Variants in FAAH2 observed in about 807,000 individuals in gnomAD.
The protein encoded by FAAH2 is fatty-acid amide hydrolase 2.
In FAAH2, 60 loss-of-function variants were observed where a neutral mutation model predicts 36.9. That is an observed-to-expected ratio of 1.63 (90% CI 1.32 to 2.02). The LOEUF is 2.02. FAAH2 is among the 30% of genes most tolerant of loss of function. The probability of loss-of-function intolerance (pLI) is 0.00; values close to 1 mark genes in which losing one functional copy is unlikely to be tolerated. For missense variants in FAAH2, 689 were observed against 397.5 expected, an observed-to-expected ratio of 1.73 and a Z score of -6.23; for synonymous variants, 214 against 143.8, an observed-to-expected ratio of 1.49 and a Z score of -3.49.
chrX:57,324,458 C>G (rs759319320), intron 3 of FAAH2, among the ~76,000 whole-genome samples: 214 of 111,913 alleles, frequency 1.9e-3, no homozygotes, highest in Non-Finnish European at 3.2e-3. Flanking sequence ...GATATTGATT[C>G]TTCCTACCCA....
chrX:57,349,653 A>G (rs2053944915), intron 5 of FAAH2, among the ~76,000 whole-genome samples: 2 of 108,605 alleles, frequency 1.8e-5, no homozygotes, highest in South Asian at 7.7e-4. Context: ...TATACAAAAT[A>G]GAAGAAAAAC....
At chrX:57,342,121 T>A (rs938313053) in intron 5 of FAAH2, among the ~76,000 whole-genome samples, 10 of 112,007 alleles carry the variant, frequency 8.9e-5, no homozygotes. Flanking sequence ...AATCCTCATT[T>A]GATCATGGTT....
intron 7 of FAAH2, among the ~76,000 whole-genome samples, chrX:57,405,129 A>C (rs2055534670): frequency 8.9e-6 from 1 of 111,765 alleles, no homozygotes; most frequent in Non-Finnish European, 1.9e-5. Context: ...AAGGAAGGAT[A>C]GGACAGAATA....
intron 4 of FAAH2, among the ~76,000 whole-genome samples, chrX:57,332,186 G>T (rs1448931506): frequency 8.9e-6 from 1 of 112,478 alleles, no homozygotes; most frequent in Admixed American, 9.4e-5. Context: ...AAACTTGTGG[G>T]TGCTAAAGCT....
chrX:57,132,652 T>C, the FAAH2 span, among the ~76,000 whole-genome samples: 3 of 112,670 alleles, frequency 2.7e-5, no homozygotes, highest in Non-Finnish European at 5.6e-5. Context: ...CTTACATAAT[T>C]GGAATAGCCT....
chrX:57,379,264 C>A (rs763487769), intron 6 of FAAH2, among the ~76,000 whole-genome samples: 1 of 110,911 alleles, frequency 9.0e-6, no homozygotes, highest in Non-Finnish European at 1.9e-5. Flanking sequence ...TTTCCTTTAC[C>A]CTCAAGTAAA....
At chrX:57,262,487 G>T in the FAAH2 span, among the ~76,000 whole-genome samples, 1 of 111,382 alleles carries the variant, frequency 9.0e-6, no homozygotes, top group African/African-American at 3.3e-5. Flanking sequence ...ATTAAAAATT[G>T]TTCCCCAAGG....
intron 8 of FAAH2, among the ~76,000 whole-genome samples, chrX:57,441,349 A>G (rs2056550180): frequency 9.0e-6 from 1 of 111,057 alleles, no homozygotes; most frequent in Non-Finnish European, 1.9e-5. Context: ...TGTGTCCAGG[A>G]ATTTATCCGT....
chrX:57,356,750 A>T (rs1237443913), intron 5 of FAAH2, among the ~76,000 whole-genome samples: 1 of 110,093 alleles, frequency 9.1e-6, no homozygotes, highest in African/African-American at 3.3e-5. Flanking sequence ...ACTAAATTCT[A>T]TTTTATTTAT....
At chrX:57,395,376 TCTC>T in intron 7 of FAAH2, 2 of 712,267 alleles carry the variant, frequency 2.8e-6, no homozygotes, top group Non-Finnish European at 4.4e-6. Context: ...TGTGCGGAGA[TCTC>T]CTTCCTGTTC....
chrX:57,396,328 G>T (rs1323237016), intron 7 of FAAH2, among the ~76,000 whole-genome samples: 1 of 105,146 alleles, frequency 9.5e-6, no homozygotes, highest in African/African-American at 3.5e-5. Flanking sequence ...ATTTAGTGCT[G>T]CTTTGGTGTT....
chrX:57,174,646 C>G, the FAAH2 span, among the ~76,000 whole-genome samples: 1 of 110,924 alleles, frequency 9.0e-6, no homozygotes, highest in Non-Finnish European at 1.9e-5. Flanking sequence ...TCTTGTTTCT[C>G]TAGTTCCTTG....
chrX:57,270,348 G>A, the FAAH2 span, among the ~76,000 whole-genome samples: 2 of 111,597 alleles, frequency 1.8e-5, no homozygotes, highest in Non-Finnish European at 3.8e-5. Context: ...GAGAATGGAC[G>A]CCTCCTTAAT....
the FAAH2 span, among the ~76,000 whole-genome samples, chrX:57,251,583 T>A: frequency 1.2e-4 from 13 of 111,949 alleles, no homozygotes; most frequent in East Asian, 3.4e-3. Flanking sequence ...GACATGATCT[T>A]ATATACAGAA....
intron 5 of FAAH2, among the ~76,000 whole-genome samples, chrX:57,354,567 A>G (rs756863077): frequency 6.3e-5 from 7 of 110,579 alleles, no homozygotes; most frequent in Non-Finnish European, 1.3e-4. Context: ...CATACATCTC[A>G]TAAATTTGTA....
the FAAH2 span, among the ~76,000 whole-genome samples, chrX:57,238,737 G>T: frequency 8.9e-6 from 1 of 111,897 alleles, no homozygotes; most frequent in African/African-American, 3.2e-5. Flanking sequence ...TGTACAAATT[G>T]TTCACCCAAC....
At chrX:57,314,115 A>T (rs903306791) in intron 3 of FAAH2, among the ~76,000 whole-genome samples, 1 of 111,817 alleles carries the variant, frequency 8.9e-6, no homozygotes, top group African/African-American at 3.2e-5. Context: ...ACAGATCTTA[A>T]ACCAACAACA....
At chrX:57,311,736 C>A (rs1429578637) in intron 3 of FAAH2, among the ~76,000 whole-genome samples, 2 of 112,362 alleles carry the variant, frequency 1.8e-5, no homozygotes, top group African/African-American at 6.5e-5. Context: ...TCTGCAGGAG[C>A]AGGTGCACAT....
chrX:57,305,934 C>T (rs895988747), intron 2 of FAAH2, among the ~76,000 whole-genome samples: 1 of 111,832 alleles, frequency 8.9e-6, no homozygotes, highest in Non-Finnish European at 1.9e-5. Flanking sequence ...TCTTTCCTAA[C>T]GTTTCCTAAA....
Sources: gnomAD v4.1 joint callset for allele counts (sites outside exome capture counted in the v4.1 genomes callset) on GRCh38, gnomAD v4.1.1 for gene constraint, MANE v1.5 for transcripts, NCBI Gene and HGNC (gene_info 2026-07-23, HGNC 2026-07-21) for gene names.